Variants in SLC25A12 observed in about 807,000 individuals in gnomAD.
SLC25A12 encodes the protein solute carrier family 25 member 12.
A neutral mutation model predicts 83.3 loss-of-function variants in SLC25A12; 32 were observed. The observed-to-expected ratio is 0.38, with a 90% CI of 0.29 to 0.52. The LOEUF (loss-of-function observed/expected upper bound fraction) is 0.52. Ranked by LOEUF, SLC25A12 falls within the 20% of genes least tolerant of loss-of-function variation. SLC25A12 has a pLI of 0.84. For missense variants in SLC25A12, 611 were observed against 835.6 expected, an observed-to-expected ratio of 0.73 and a Z score of 3.31; for synonymous variants, 267 against 291.1, an observed-to-expected ratio of 0.92 and a Z score of 0.84.
intron 8 of SLC25A12, among the ~76,000 whole-genome samples, chr2:171,830,378 T>G (rs139347631): frequency 6.6e-6 from 1 of 152,200 alleles, no homozygotes; most frequent in African/African-American, 2.4e-5. Flanking sequence ...TGAAGAGATA[T>G]TCTCTAAATT....
intron 8 of SLC25A12, 50 bp from the exon 9 acceptor site, chr2:171,826,932 C>A (rs140016345): frequency 4.3e-6 from 4 of 940,328 alleles, no homozygotes; most frequent in Non-Finnish European, 6.9e-6. Flanking sequence ...AAACTCCTCA[C>A]GCCAAAATCA....
chr2:171,785,549 G>C, intron 17 of SLC25A12, 74 bp from the exon 18 acceptor site: 2 of 1,348,460 alleles, frequency 1.5e-6, no homozygotes, highest in Non-Finnish European at 2.1e-6. Context: ...GACATTTTCG[G>C]TCTGACCCAT....
chr2:171,838,940 TAA>T (rs956811378), intron 5 of SLC25A12, among the ~76,000 whole-genome samples: 2 of 151,864 alleles, frequency 1.3e-5, no homozygotes, highest in African/African-American at 2.4e-5. Flanking sequence ...TCTTCCAAAA[TAA>T]AAAAGATTTT....
At chr2:171,817,195 T>C (rs1437812760) in intron 9 of SLC25A12, among the ~76,000 whole-genome samples, 4 of 152,138 alleles carry the variant, frequency 2.6e-5, no homozygotes, top group South Asian at 4.1e-4. Flanking sequence ...AAACCACCTA[T>C]GGTAATTTGT....
At chr2:171,862,649 A>G (rs1481669226) in intron 3 of SLC25A12, among the ~76,000 whole-genome samples, 1 of 152,178 alleles carries the variant, frequency 6.6e-6, no homozygotes, top group Non-Finnish European at 1.5e-5. Context: ...TTTCTCACAC[A>G]CTTAACCAAA....
At chr2:171,866,466 C>A (rs1163800672) in intron 3 of SLC25A12, among the ~76,000 whole-genome samples, 62 of 106,124 alleles carry the variant, frequency 5.8e-4, no homozygotes, top group Admixed American at 9.6e-4. Context: ...AGGGGGCTGA[C>A]CCCCCACCTC....
At chr2:171,803,160 G>A (rs548626491) in intron 13 of SLC25A12, among the ~76,000 whole-genome samples, 4 of 149,634 alleles carry the variant, frequency 2.7e-5, no homozygotes, top group East Asian at 1.9e-4. Flanking sequence ...CTTAAAAATC[G>A]GAAAAGACCT....
chr2:171,818,961 CA>C (rs1684114007), intron 9 of SLC25A12, among the ~76,000 whole-genome samples: 1 of 151,084 alleles, frequency 6.6e-6, no homozygotes, highest in South Asian at 2.1e-4. Context: ...GAAAACAAAA[CA>C]AAATTTTTCT....
chr2:171,862,953 G>A lies in SLC25A12; in HGVS notation c.209+5728C>T, dbSNP rs967454554. Among the ~76,000 whole-genome samples the A allele has an allele frequency of 3.9e-5, 6 of 152,072 alleles. No individual in the cohort carries two copies. In the East Asian group the frequency reaches 1.2e-3, roughly 29 times the overall value. On this transcript the variant is annotated intron_variant, in intron 3 of 17. Transcript: ENST00000422440. ...CACATTTTGCCCCTCAGGCTGGAGT[G>A]CAGTGGCTCAGTTATAGCTCACTGC...
intron 14 of SLC25A12, among the ~76,000 whole-genome samples, chr2:171,793,128 T>G (rs557544674): frequency 6.6e-5 from 10 of 152,052 alleles, no homozygotes; most frequent in East Asian, 5.8e-4. Flanking sequence ...GGTTTGTTTT[T>G]TTTTTTTTTA....
Position 171,785,336 on chromosome 2 carries a change from T to C in SLC25A12, c.1975A>G (p.Lys659Glu). 3.1e-6 allele frequency: 5 copies of C among 1,614,138 alleles called. No homozygotes were observed. Among genetic ancestry groups the C allele is most frequent in the Non-Finnish European group, 4.2e-6 (5 of 1,180,028 alleles). ...IENKFGLYLP[K>E]FKSPSVAVVQ... ...ACAGCAACACTAGGAGACTTAAATTTCGGGAGATAAAGGCCAAATTTGTTT... is the reference window on the plus strand; with the variant it reads ...ACAGCAACACTAGGAGACTTAAATTCCGGGAGATAAAGGCCAAATTTGTTT... Residue 659 changes from lysine (K) to glutamate (E), a missense_variant, in exon 18 of 18, where the codon AAA (lysine) becomes GAA (glutamate). Coordinates refer to ENST00000422440, the MANE Select transcript of SLC25A12 (RefSeq NM_003705.5).
intron 4 of SLC25A12, among the ~76,000 whole-genome samples, chr2:171,847,707 T>G (rs1684829460): frequency 6.6e-6 from 1 of 152,230 alleles, no homozygotes; most frequent in Non-Finnish European, 1.5e-5. Context: ...TAGGTTGGCA[T>G]AGCTAAGAGA....
chr2:171,853,417 T>TGG (rs199547675), intron 4 of SLC25A12, among the ~76,000 whole-genome samples: 116,928 of 151,962 alleles, frequency 0.77, 46,051 homozygotes, highest in East Asian at 0.89. Flanking sequence ...GGCTCACGCC[T>TGG]GTAATCTCAG....
In SLC25A12 at chr2:171,826,825, AGGT is replaced by A; in HGVS notation, c.900_902del (p.Leu300_Pro301delinsPhe). ...GTCTCTGAAGTTCTGCCAGGTTGTA[AGGT>A]AAGGCCCCCTCAGCCAATGGGGCTA... is the stretch of plus-strand genomic sequence containing the variant. On this transcript the variant is annotated inframe_deletion, in exon 9 of 18. Coordinates refer to ENST00000422440, the MANE Select transcript of SLC25A12 (RefSeq NM_003705.5). 1 of 1,609,440 alleles carries A rather than the reference AGGT, an allele frequency of 6.2e-7. No homozygotes were observed. Among genetic ancestry groups the A allele is most frequent in the Non-Finnish European group, 8.5e-7 (1 of 1,175,898 alleles).
At chr2:171,827,857 C>T (rs762680821) in intron 8 of SLC25A12, among the ~76,000 whole-genome samples, 8 of 152,192 alleles carry the variant, frequency 5.3e-5, no homozygotes, top group Non-Finnish European at 1.2e-4. Context: ...TTTGCTTTTG[C>T]TCTTTTTCTT....
At chr2:171,824,953 G>A (rs1010733965) in intron 9 of SLC25A12, among the ~76,000 whole-genome samples, 2 of 151,786 alleles carry the variant, frequency 1.3e-5, no homozygotes, top group African/African-American at 2.4e-5. Flanking sequence ...ACAGGCACAC[G>A]CCATCACGCC....
At chr2:171,807,871 C>A (rs572693375) in intron 13 of SLC25A12, among the ~76,000 whole-genome samples, 2 of 152,318 alleles carry the variant, frequency 1.3e-5, no homozygotes, top group East Asian at 3.9e-4. Context: ...ACACAGCAGT[C>A]CACCTCTTCC....
intron 2 of SLC25A12, among the ~76,000 whole-genome samples, chr2:171,887,013 CCA>C (rs1186981097): frequency 2.0e-5 from 3 of 152,130 alleles, no homozygotes; most frequent in Non-Finnish European, 4.4e-5. Context: ...GGTATACCTT[CCA>C]CACTTTTGGA....
At chr2:171,865,885 C>G (rs551330177) in intron 3 of SLC25A12, among the ~76,000 whole-genome samples, 1 of 150,536 alleles carries the variant, frequency 6.6e-6, no homozygotes, top group Non-Finnish European at 1.5e-5. Context: ...GGGTGTTTCT[C>G]GCAGAGGGGG....
Sources: allele counts gnomAD v4.1 joint callset (sites outside exome capture counted in the v4.1 genomes callset), GRCh38; gene constraint gnomAD v4.1.1; transcripts MANE v1.5; gene names NCBI Gene and HGNC (gene_info 2026-07-23, HGNC 2026-07-21).